The following SLC9C2 variants were observed in gnomAD, a reference collection of about 807,000 sequenced individuals.
SLC9C2 encodes the protein sodium/hydrogen exchanger 11.
A neutral mutation model predicts 140.2 loss-of-function variants in SLC9C2; 75 were observed. That is an observed-to-expected ratio of 0.53 (90% CI 0.44 to 0.65). The LOEUF is 0.65. Ranked by LOEUF, SLC9C2 falls within the 30% of genes least tolerant of loss-of-function variation. SLC9C2 has a pLI of 0.00. For synonymous variants in SLC9C2, 375 were observed against 420.9 expected (o/e 0.89, Z 1.34); for missense variants, 1,074 against 1,331.8 (o/e 0.81, Z 3.01).
rs148845490 is a variant in SLC9C2 at position 173,582,480 on chromosome 1, G to A, written c.641-472C>T. ...AATTTTCATTAGTCACAATAACTGG[G>A]GGCACTAGTGGCAGTCAGTGGGTAG... is the stretch of plus-strand genomic sequence containing the variant. On this transcript the variant is annotated intron_variant, in intron 6 of 27. Transcript: ENST00000367714. 2.9e-4 allele frequency among the ~76,000 whole-genome samples: 44 copies of A among 152,174 alleles called. No homozygotes were observed. In the East Asian group the frequency reaches 7.9e-3, roughly 27 times the overall value.
intron 23 of SLC9C2, among the ~76,000 whole-genome samples, chr1:173,516,507 C>G (rs1319718994): frequency 6.6e-6 from 1 of 152,124 alleles, no homozygotes; most frequent in Non-Finnish European, 1.5e-5. Flanking sequence ...TTATTCCCCT[C>G]TCTGTGTCTG....
chr1:173,532,938 A>T (rs1661686766), intron 17 of SLC9C2, among the ~76,000 whole-genome samples: 1 of 152,200 alleles, frequency 6.6e-6, no homozygotes, highest in Non-Finnish European at 1.5e-5. Context: ...CAGAGAGTAC[A>T]TACAATATAC....
intron 21 of SLC9C2, among the ~76,000 whole-genome samples, chr1:173,521,885 C>CAA (rs58355008): frequency 0.046 from 3,540 of 76,766 alleles, 326 homozygotes; most frequent in African/African-American, 0.15. Flanking sequence ...GGGCGCTATG[C>CAA]AAAAAAAAAA....
At chr1:173,593,468 C>G (rs140058482) in intron 4 of SLC9C2, among the ~76,000 whole-genome samples, 1 of 152,246 alleles carries the variant, frequency 6.6e-6, no homozygotes, top group East Asian at 1.9e-4. Flanking sequence ...TTCAGTGAGA[C>G]GAGATTGTGC....
In SLC9C2 at chr1:173,523,962, T is replaced by C. The variant is rs764533413; in HGVS notation, c.2640+7A>G. ...ACCTGAGCCAGAATAGAAAACGGAA[T>C]CTTTACCTTGAAGAAGTCAATGAGA... On this transcript the variant is annotated splice_region_variant and intron_variant, in intron 21 of 27. Transcript: ENST00000367714. 3 of 1,603,558 alleles carry C rather than the reference T, an allele frequency of 1.9e-6. No individual in the cohort carries two copies. Among genetic ancestry groups the C allele is most frequent in the Middle Eastern group, 1.7e-4 (1 of 6,040 alleles).
chr1:173,515,574 G>C (rs764616090), intron 23 of SLC9C2, among the ~76,000 whole-genome samples: 16 of 152,090 alleles, frequency 1.1e-4, no homozygotes, highest in Non-Finnish European at 1.9e-4. Context: ...CTTTTATGAA[G>C]ATTCTTAGCT....
intron 4 of SLC9C2, 34 bp downstream of exon 4, chr1:173,597,870 A>T: frequency 6.5e-7 from 1 of 1,543,656 alleles, no homozygotes; most frequent in Non-Finnish European, 8.7e-7. Context: ...CATAAGCAAG[A>T]ATTGATCGTA....
chr1:173,540,263 C>CT (rs1232212090), intron 13 of SLC9C2, among the ~76,000 whole-genome samples: 1 of 152,174 alleles, frequency 6.6e-6, no homozygotes, highest in African/African-American at 2.4e-5. Flanking sequence ...CATAGCTGAT[C>CT]TAGGAAATGA....
At chr1:173,550,872 A>AATAGAG (rs1663237605) in intron 11 of SLC9C2, among the ~76,000 whole-genome samples, 1 of 86,476 alleles carries the variant, frequency 1.2e-5, no homozygotes, top group African/African-American at 6.5e-5. Context: ...GAGCCGTTGA[A>AATAGAG]AGAGAGAGAG....
chr1:173,505,689 T>G (rs900630399), intron 25 of SLC9C2, among the ~76,000 whole-genome samples: 1 of 152,196 alleles, frequency 6.6e-6, no homozygotes, highest in African/African-American at 2.4e-5. Flanking sequence ...CTGTCTTCCT[T>G]TCTTAGACCA....
At chr1:173,503,603 A>G (rs1659430206) in intron 26 of SLC9C2, among the ~76,000 whole-genome samples, 1 of 152,144 alleles carries the variant, frequency 6.6e-6, no homozygotes, top group Admixed American at 6.5e-5. Flanking sequence ...GGACTGTGGC[A>G]AGCTGCAGAG....
intron 7 of SLC9C2, among the ~76,000 whole-genome samples, chr1:173,577,567 A>G (rs980551955): frequency 1.3e-5 from 2 of 152,176 alleles, no homozygotes; most frequent in South Asian, 4.1e-4. Context: ...GAAAGATAGG[A>G]TTGGAAGAGC....
At chr1:173,516,753 G>A (rs2101927285) in intron 23 of SLC9C2, among the ~76,000 whole-genome samples, 1 of 152,268 alleles carries the variant, frequency 6.6e-6, no homozygotes, top group South Asian at 2.1e-4. Flanking sequence ...CTTTGCTGTT[G>A]TGAATAGTGC....
chr1:173,583,644 G>GT, intron 5 of SLC9C2, 22 bp from the exon 6 acceptor site: 1 of 1,216,674 alleles, frequency 8.2e-7, no homozygotes. Flanking sequence ...AATACAAAAT[G>GT]TAACTCAATA....
At chr1:173,562,760 A>G (rs1298334705) in intron 9 of SLC9C2, among the ~76,000 whole-genome samples, 2 of 152,246 alleles carry the variant, frequency 1.3e-5, no homozygotes, top group African/African-American at 4.8e-5. Flanking sequence ...GAAGTGGAAT[A>G]CAAACATTTA....
At chr1:173,580,160 T>C (rs1469706979) in intron 7 of SLC9C2, among the ~76,000 whole-genome samples, 1 of 29,426 alleles carries the variant, frequency 3.4e-5, no homozygotes, top group Non-Finnish European at 6.2e-5. Context: ...GTCTTCCAAT[T>C]TCTATGGTGT....
chr1:173,548,622 T>C, intron 11 of SLC9C2, 70 bp from the exon 12 acceptor site: 1 of 1,542,656 alleles, frequency 6.5e-7, no homozygotes, highest in South Asian at 1.1e-5. Flanking sequence ...CAAAAAATGT[T>C]GCATGATCAT....
chr1:173,505,098 A>G lies in SLC9C2; in HGVS notation c.3310+149T>C, dbSNP rs1321675691. Reference sequence around the variant, plus strand: ...CTCTCATATGTGACCTCCCAGGGCAATGTGGCAGCCAGGGTGGGCCCAAGG... The same window carrying G: ...CTCTCATATGTGACCTCCCAGGGCAGTGTGGCAGCCAGGGTGGGCCCAAGG... On this transcript the variant is annotated intron_variant, in intron 26 of 27. Transcript: ENST00000367714. The G allele has an allele frequency of 7.7e-6, 5 of 651,504 alleles. No homozygotes were observed. In the Admixed American group the frequency reaches 1.4e-4, roughly 19 times the overall value. The allele number at this position is 651,504 out of a possible 1,614,324, so 40.4% of individuals were successfully genotyped here.
intron 9 of SLC9C2, among the ~76,000 whole-genome samples, chr1:173,563,522 A>G (rs1402696489): frequency 6.6e-6 from 1 of 152,148 alleles, no homozygotes; most frequent in Non-Finnish European, 1.5e-5. Context: ...TGAATACTGA[A>G]AAAACCTCAA....
Sources: allele counts gnomAD v4.1 joint callset (sites outside exome capture counted in the v4.1 genomes callset), GRCh38; gene constraint gnomAD v4.1.1; transcripts MANE v1.5; gene names NCBI Gene and HGNC (gene_info 2026-07-23, HGNC 2026-07-21).